Variants in CADM2 observed in about 807,000 individuals in gnomAD.
The protein encoded by CADM2 is immunoglobulin superfamily member 4D.
In CADM2, 12 loss-of-function variants were observed where a neutral mutation model predicts 49.8. The observed-to-expected ratio is 0.24, with a 90% CI of 0.15 to 0.39. CADM2 has a LOEUF of 0.39. CADM2 is among the 10% of genes least tolerant of loss of function. CADM2 has a pLI of 1.00. For missense variants in CADM2, 378 were observed against 492.3 expected, an observed-to-expected ratio of 0.77 and a Z score of 2.20; for synonymous variants, 214 against 175.4, an observed-to-expected ratio of 1.22 and a Z score of -1.74.
intron 1 of CADM2, among the ~76,000 whole-genome samples, chr3:85,571,110 C>T (rs998352489): frequency 6.6e-6 from 1 of 152,146 alleles, no homozygotes; most frequent in Non-Finnish European, 1.5e-5. Context: ...CTGTTGCTCC[C>T]TGAAGCTGTT....
At chr3:85,209,228 G>T (rs1158099710) in intron 1 of CADM2, among the ~76,000 whole-genome samples, 4 of 152,078 alleles carry the variant, frequency 2.6e-5, no homozygotes, top group African/African-American at 9.7e-5. Context: ...GGCTTCTCAA[G>T]TAGACAGCTT....
intron 1 of CADM2, chr3:85,511,814 T>C: frequency 5.5e-6 from 5 of 905,288 alleles, no homozygotes; most frequent in Non-Finnish European, 6.6e-6. Flanking sequence ...CGAAATAATA[T>C]CCCTTTGAAA....
At chr3:86,042,733 G>T (rs751323943) in intron 8 of CADM2, among the ~76,000 whole-genome samples, 12 of 152,186 alleles carry the variant, frequency 7.9e-5, no homozygotes, top group Non-Finnish European at 1.5e-4. Context: ...ATTTTATGAG[G>T]CCAGCATCAT....
At chr3:85,213,009 A>G (rs1471659266) in intron 1 of CADM2, among the ~76,000 whole-genome samples, 1 of 151,512 alleles carries the variant, frequency 6.6e-6, no homozygotes, top group African/African-American at 2.4e-5. Context: ...GAGACTCCCT[A>G]GTAGCTGAGA....
chr3:85,562,493 A>G (rs2062125086), intron 1 of CADM2, among the ~76,000 whole-genome samples: 1 of 151,302 alleles, frequency 6.6e-6, no homozygotes, highest in Non-Finnish European at 1.5e-5. Flanking sequence ...AAAAAAAAAA[A>G]AAAAAAAAAA....
At chr3:85,278,204 T>C (rs1164291344) in intron 1 of CADM2, among the ~76,000 whole-genome samples, 1 of 151,408 alleles carries the variant, frequency 6.6e-6, no homozygotes, top group Non-Finnish European at 1.5e-5. Flanking sequence ...ATAAATTTAT[T>C]ATTTACTTTA....
intron 1 of CADM2, among the ~76,000 whole-genome samples, chr3:85,662,979 A>G (rs557896186): frequency 6.6e-6 from 1 of 151,952 alleles, no homozygotes. Flanking sequence ...TGGGTGCCAC[A>G]TCTTAGAAAT....
chr3:85,890,044 G>T (rs557883685), intron 5 of CADM2, among the ~76,000 whole-genome samples: 2 of 152,076 alleles, frequency 1.3e-5, no homozygotes, highest in Admixed American at 1.3e-4. Flanking sequence ...AGTCTCAGTC[G>T]ATCTAGAGGT....
At chr3:85,566,970 T>C (rs2062281142) in intron 1 of CADM2, among the ~76,000 whole-genome samples, 1 of 152,172 alleles carries the variant, frequency 6.6e-6, no homozygotes, top group Non-Finnish European at 1.5e-5. Flanking sequence ...TAAATTGGAT[T>C]CTAGAAAGCT....
chr3:85,980,868 C>T (rs1032411170), intron 8 of CADM2, among the ~76,000 whole-genome samples: 1 of 151,176 alleles, frequency 6.6e-6, no homozygotes, highest in African/African-American at 2.4e-5. Flanking sequence ...TTAAAAGATC[C>T]ATTTGTAACA....
chr3:85,681,406 T>C (rs1047507576), intron 1 of CADM2, among the ~76,000 whole-genome samples: 2 of 152,164 alleles, frequency 1.3e-5, no homozygotes, highest in Non-Finnish European at 2.9e-5. Context: ...TTAAGCTAAG[T>C]GCTGCAGGTG....
chr3:86,066,803 A>T lies in CADM2; in HGVS notation c.*20A>T, dbSNP rs760331305. ...ATTTAAGATGCAGGCCAAGATTCTGAGTTTTACTACCAGGCTGAATGCTGG... is the reference window on the plus strand; with the variant it reads ...ATTTAAGATGCAGGCCAAGATTCTGTGTTTTACTACCAGGCTGAATGCTGG... On this transcript the variant is annotated 3_prime_UTR_variant, in exon 10 of 10. Coordinates refer to ENST00000383699, the MANE Select transcript of CADM2 (RefSeq NM_001167675.2). The T allele has an allele frequency of 6.6e-7, 1 of 1,507,964 alleles. No individual in the cohort carries two copies. The highest frequency in any genetic ancestry group is 1.7e-5 in the Admixed American group (1 of 59,754). 93.4% of individuals were successfully genotyped at this position (1,507,964 alleles called of 1,614,324 possible). A position where few individuals can be genotyped will look rare whatever the true frequency, so the allele number is the denominator to read the frequency against.
At chr3:85,067,552 A>G (rs959857430) in intron 1 of CADM2, among the ~76,000 whole-genome samples, 2 of 152,166 alleles carry the variant, frequency 1.3e-5, no homozygotes, top group African/African-American at 4.8e-5. Flanking sequence ...ATCTGGGAAC[A>G]CAGTAGGACA....
chr3:85,906,638 A>G (rs1716845792), intron 5 of CADM2, among the ~76,000 whole-genome samples: 1 of 152,132 alleles, frequency 6.6e-6, no homozygotes, highest in East Asian at 1.9e-4. Flanking sequence ...TCAGACAGGA[A>G]TTGTATGAAA....
intron 1 of CADM2, among the ~76,000 whole-genome samples, chr3:85,650,897 C>T (rs1345445155): frequency 6.8e-6 from 1 of 146,242 alleles, no homozygotes; most frequent in Non-Finnish European, 1.5e-5. Flanking sequence ...GTAAACCCTG[C>T]TCTTGCAGCA....
intron 8 of CADM2, chr3:86,014,924 G>A: frequency 6.6e-7 from 1 of 1,507,008 alleles, no homozygotes; most frequent in Non-Finnish European, 9.2e-7. Flanking sequence ...AGAATGAGTG[G>A]TATGAAAATG....
chr3:86,027,434 G>A (rs1734030154), intron 8 of CADM2, among the ~76,000 whole-genome samples: 1 of 152,062 alleles, frequency 6.6e-6, no homozygotes, highest in Non-Finnish European at 1.5e-5. Context: ...CATTCTTTCT[G>A]CATATTTTAT....
In CADM2 at chr3:86,015,566, T is replaced by C. The variant is rs1732118074; in HGVS notation, c.971-50039T>C. Among the ~76,000 whole-genome samples, 6 of 152,216 alleles carry C rather than the reference T, an allele frequency of 3.9e-5. 1 individual carries two copies. In the South Asian group the frequency reaches 1.2e-3, roughly 31 times the overall value. On this transcript the variant is annotated intron_variant, in intron 8 of 9. Coordinates refer to ENST00000383699, the MANE Select transcript of CADM2 (RefSeq NM_001167675.2). Reference sequence around the variant, plus strand: ...GAGTTTTAAGTATGTTAAAAATCTCTCCTGGACAGTTACAAGAAATTACCG... The same window carrying C: ...GAGTTTTAAGTATGTTAAAAATCTCCCCTGGACAGTTACAAGAAATTACCG...
At chr3:86,045,706 T>G (rs898964626) in intron 8 of CADM2, among the ~76,000 whole-genome samples, 27 of 152,264 alleles carry the variant, frequency 1.8e-4, no homozygotes, top group African/African-American at 5.8e-4. Flanking sequence ...AAGACTTTTA[T>G]TTTGCATTTT....
Sources: allele counts gnomAD v4.1 joint callset (sites outside exome capture counted in the v4.1 genomes callset), GRCh38; gene constraint gnomAD v4.1.1; transcripts MANE v1.5; gene names NCBI Gene and HGNC (gene_info 2026-07-23, HGNC 2026-07-21).